The following RCAN2 variants were observed in gnomAD, a reference collection of about 807,000 sequenced individuals.
RCAN2 encodes regulator of calcineurin 2.
RCAN2 carries 9 observed loss-of-function variants against 23.6 expected under a neutral mutation model. The ratio of observed to expected loss-of-function variants is 0.38; its 90% CI spans 0.23 to 0.67. The LOEUF is 0.67. Among genes scored for constraint, RCAN2 ranks in the 30% least tolerant of loss-of-function variants. RCAN2 has a pLI of 0.51. For synonymous variants in RCAN2, 109 were observed against 115.7 expected (o/e 0.94, Z 0.37); for missense variants, 273 against 302.3 (o/e 0.90, Z 0.72).
At chr6:46,377,058 A>G (rs567810469) in intron 2 of RCAN2, among the ~76,000 whole-genome samples, 1 of 152,322 alleles carries the variant, frequency 6.6e-6, no homozygotes, top group African/African-American at 2.4e-5. Context: ...ATGAGGAAAA[A>G]AAGGCACTTA....
At chr6:46,453,886 T>C (rs1276700460) in intron 2 of RCAN2, among the ~76,000 whole-genome samples, 1 of 152,176 alleles carries the variant, frequency 6.6e-6, no homozygotes, top group African/African-American at 2.4e-5. Flanking sequence ...GAAAAGACTC[T>C]GCCAAAACAA....
intron 2 of RCAN2, among the ~76,000 whole-genome samples, chr6:46,431,594 T>C (rs560314769): frequency 6.6e-6 from 1 of 152,170 alleles, no homozygotes; most frequent in Non-Finnish European, 1.5e-5. Flanking sequence ...CTAGAGATGC[T>C]CCAAGTGACC....
At chr6:46,416,564 G>A (rs1269998531) in intron 2 of RCAN2, among the ~76,000 whole-genome samples, 1 of 151,056 alleles carries the variant, frequency 6.6e-6, no homozygotes, top group African/African-American at 2.4e-5. Context: ...ACCCATGCTG[G>A]AGTATAGTGG....
At chr6:46,464,055 G>T (rs1486470500) in intron 1 of RCAN2, among the ~76,000 whole-genome samples, 1 of 152,110 alleles carries the variant, frequency 6.6e-6, no homozygotes, top group Non-Finnish European at 1.5e-5. Flanking sequence ...GTTCAGTTTT[G>T]ATTGAAAAAC....
At chr6:46,441,785 T>C (rs1246809552) in intron 2 of RCAN2, among the ~76,000 whole-genome samples, 1 of 152,194 alleles carries the variant, frequency 6.6e-6, no homozygotes, top group African/African-American at 2.4e-5. Context: ...TGTTTCTATA[T>C]ATACCCATTT....
rs190991029 is a variant in RCAN2, at chr6:46,221,843, G to A, written c.*1298C>T. The A allele has an allele frequency of 1.5e-5, 6 of 398,130 alleles. No individual in the cohort carries two copies. Among genetic ancestry groups the A allele is most frequent in the African/African-American group, 1.2e-4 (6 of 48,724 alleles). 24.7% of individuals were successfully genotyped at this position (398,130 alleles called of 1,614,324 possible). A position where few individuals can be genotyped will look rare whatever the true frequency, so the allele number is the denominator to read the frequency against. The stretch of plus-strand genomic sequence containing the variant: ...CCTGGCACACATAGCAGAAGGTAAT[G>A]GTTCTATAGGTGTATCTTCTGTAAT... On this transcript the variant is annotated 3_prime_UTR_variant, in exon 5 of 5. Coordinates refer to ENST00000371374, the MANE Select transcript of RCAN2 (RefSeq NM_001251974.2).
At chr6:46,278,425 C>A (rs1767785745) in intron 2 of RCAN2, among the ~76,000 whole-genome samples, 1 of 151,994 alleles carries the variant, frequency 6.6e-6, no homozygotes, top group Non-Finnish European at 1.5e-5. Context: ...CACTTTATTC[C>A]TGAATCATTT....
intron 1 of RCAN2, among the ~76,000 whole-genome samples, chr6:46,464,913 C>CAA (rs5875967): frequency 1.4e-5 from 2 of 139,936 alleles, no homozygotes; most frequent in South Asian, 2.2e-4. Flanking sequence ...TTATGAAGTG[C>CAA]AAAAAAAAAA....
At position 46,249,399 on chromosome 6, in the gene RCAN2, A is replaced by AC. The variant is rs200187699; in HGVS notation, c.226-504dup. Among the ~76,000 whole-genome samples the AC allele has an allele frequency of 7.2e-3, 1,046 of 146,208 alleles. 60 individuals are homozygous for AC. The East Asian group carries it at 0.15, about 21-fold the overall frequency. On this transcript the variant is annotated intron_variant, in intron 2 of 4. Transcript: ENST00000371374. ...AGTGGCATGATCTTGGCTCACTGCA[A>AC]CCCCCGCCTCCTGGATTCAAGTGAT...
At chr6:46,392,525 A>T (rs1463604896) in intron 2 of RCAN2, among the ~76,000 whole-genome samples, 1 of 152,148 alleles carries the variant, frequency 6.6e-6, no homozygotes, top group African/African-American at 2.4e-5. Context: ...GCCCTCTGGA[A>T]CCTAACACTT....
rs143823949 is a variant in RCAN2 at position 46,458,458 on chromosome 6, C to T, written c.-2-1480G>A. Among the ~76,000 whole-genome samples, 3 of 152,158 alleles carry T rather than the reference C, an allele frequency of 2.0e-5. No individual in the cohort carries two copies. The East Asian group carries it at 5.8e-4, about 29-fold the overall frequency. ...AAAATTAAATAGTTTGAGGTGATAT[C>T]TCTAAAATCAAATCATCAAAATTGT... On this transcript the variant is annotated intron_variant, in intron 1 of 4. Coordinates refer to ENST00000371374, the MANE Select transcript of RCAN2 (RefSeq NM_001251974.2).
At chr6:46,308,566 T>C (rs1011108967) in intron 2 of RCAN2, among the ~76,000 whole-genome samples, 1 of 151,942 alleles carries the variant, frequency 6.6e-6, no homozygotes, top group Admixed American at 6.6e-5. Flanking sequence ...GGAAGAACAG[T>C]TGGATGATCA....
At chr6:46,423,587 C>T (rs1766948453) in intron 2 of RCAN2, among the ~76,000 whole-genome samples, 1 of 152,202 alleles carries the variant, frequency 6.6e-6, no homozygotes, top group African/African-American at 2.4e-5. Flanking sequence ...CTTCGATAGA[C>T]ATTTTTTAAA....
chr6:46,282,430 T>C (rs958000627), intron 2 of RCAN2, among the ~76,000 whole-genome samples: 2 of 150,764 alleles, frequency 1.3e-5, no homozygotes, highest in African/African-American at 4.9e-5. Context: ...GGTGCCAAGA[T>C]CGTGCCACTG....
intron 4 of RCAN2, among the ~76,000 whole-genome samples, chr6:46,227,315 G>A (rs1765705636): frequency 6.6e-6 from 1 of 152,156 alleles, no homozygotes; most frequent in Non-Finnish European, 1.5e-5. Flanking sequence ...ATTAGTTAGG[G>A]AGGATTCCTC....
At chr6:46,334,794 T>G (rs1245346895) in intron 2 of RCAN2, among the ~76,000 whole-genome samples, 3 of 152,294 alleles carry the variant, frequency 2.0e-5, no homozygotes, top group East Asian at 3.9e-4. Flanking sequence ...GTGGCACTCC[T>G]AAGAAGCCAC....
rs906392822 is a variant in RCAN2 at position 46,389,135 on chromosome 6, GA to G, written c.225+67616del. On this transcript the variant is annotated intron_variant, in intron 2 of 4. Coordinates refer to ENST00000371374, the MANE Select transcript of RCAN2 (RefSeq NM_001251974.2). ...CGAATACTATCCTAATTATTTAAAAGAAAAAAAAATAGTTTCAGAGGCTTCC... is the reference window on the plus strand; with the variant it reads ...CGAATACTATCCTAATTATTTAAAAGAAAAAAAATAGTTTCAGAGGCTTCC... Among the ~76,000 whole-genome samples, 18 of 150,544 alleles carry G rather than the reference GA, an allele frequency of 1.2e-4. No individual in the cohort carries two copies. The South Asian group carries it at 2.7e-3, about 23-fold the overall frequency.
intron 2 of RCAN2, among the ~76,000 whole-genome samples, chr6:46,253,876 T>C (rs1766819283): frequency 6.6e-6 from 1 of 152,208 alleles, no homozygotes; most frequent in South Asian, 2.1e-4. Context: ...GAATTCAGTA[T>C]AGTAATATGC....
At chr6:46,296,253 T>A (rs903758562) in intron 2 of RCAN2, among the ~76,000 whole-genome samples, 41 of 152,224 alleles carry the variant, frequency 2.7e-4, no homozygotes, top group Admixed American at 2.4e-3. Flanking sequence ...CCAGAGAGAT[T>A]GAGCCACTTT....
Sources: allele counts gnomAD v4.1 joint callset (sites outside exome capture counted in the v4.1 genomes callset), GRCh38; gene constraint gnomAD v4.1.1; transcripts MANE v1.5; gene names NCBI Gene and HGNC (gene_info 2026-07-23, HGNC 2026-07-21).